Variants in MGA observed in about 807,000 individuals in gnomAD.
The protein encoded by MGA is MAX dimerization protein MGA.
Under a neutral mutation model 261.1 loss-of-function variants are expected in MGA, and 40 were observed. The ratio of observed to expected loss-of-function variants is 0.15; its 90% CI spans 0.12 to 0.20. MGA has a LOEUF of 0.20. Ranked by LOEUF, MGA falls within the 10% of genes least tolerant of loss-of-function variation. MGA has a pLI of 1.00. For missense variants in MGA, 3,397 were observed against 3,630.5 expected (o/e 0.94, Z 1.65); for synonymous variants, 1,302 against 1,290.6 (o/e 1.01, Z -0.19).
At chr15:41,625,096 C>T (rs577055257) in intron 1 of MGA, among the ~76,000 whole-genome samples, 35 of 152,156 alleles carry the variant, frequency 2.3e-4, no homozygotes, top group African/African-American at 7.5e-4. Flanking sequence ...TGAGCTGTGA[C>T]GTGTCACTGC....
At chr15:41,763,078 A>C (rs924065946) in intron 22 of MGA, among the ~76,000 whole-genome samples, 2 of 88,604 alleles carry the variant, frequency 2.3e-5, no homozygotes, top group Non-Finnish European at 4.9e-5. Context: ...ATCAGGCTCT[A>C]TTTTTCTTTC....
At chr15:41,628,298 G>A (rs374015567) in intron 1 of MGA, among the ~76,000 whole-genome samples, 8 of 150,904 alleles carry the variant, frequency 5.3e-5, no homozygotes, top group East Asian at 3.9e-4. Context: ...TCTTGAACCC[G>A]GGAGGTTGCG....
chr15:41,699,003 C>G, intron 4 of MGA, 61 bp from the exon 5 acceptor site: 2 of 1,549,068 alleles, frequency 1.3e-6, no homozygotes, highest in South Asian at 1.2e-5. Flanking sequence ...ATGAAACATG[C>G]AACATTCATT....
chr15:41,736,141 A>G (rs770054112), intron 12 of MGA, 40 bp from the exon 13 acceptor site: 20 of 1,423,096 alleles, frequency 1.4e-5, no homozygotes, highest in Non-Finnish European at 1.9e-5. Flanking sequence ...TGCAGAAATA[A>G]TCTTTCAACT....
chr15:41,758,313 A>G (rs2063260250), intron 19 of MGA, among the ~76,000 whole-genome samples: 1 of 152,154 alleles, frequency 6.6e-6, no homozygotes, highest in Non-Finnish European at 1.5e-5. Context: ...ATCCTAACCA[A>G]CAGTAGGCAT....
intron 1 of MGA, among the ~76,000 whole-genome samples, chr15:41,650,794 C>A (rs543702808): frequency 6.6e-6 from 1 of 152,194 alleles, no homozygotes; most frequent in East Asian, 1.9e-4. Flanking sequence ...GAGTAGGGAT[C>A]TAAATGTTCA....
intron 9 of MGA, among the ~76,000 whole-genome samples, chr15:41,715,174 G>A (rs2151524281): frequency 1.5e-5 from 2 of 134,322 alleles, no homozygotes; most frequent in African/African-American, 2.7e-5. Flanking sequence ...TTTTGAGACA[G>A]AGTCTCACTC....
intron 2 of MGA, among the ~76,000 whole-genome samples, chr15:41,681,356 G>A (rs929947910): frequency 9.3e-5 from 14 of 149,870 alleles, no homozygotes; most frequent in Non-Finnish European, 1.9e-4. Flanking sequence ...CAATATATGG[G>A]CCGTTTAGTT....
intron 5 of MGA, among the ~76,000 whole-genome samples, chr15:41,706,119 C>T (rs1440596718): frequency 6.6e-6 from 1 of 151,910 alleles, no homozygotes; most frequent in African/African-American, 2.4e-5. Context: ...CGCCTGTAAT[C>T]CCAGCTACTT....
intron 14 of MGA, among the ~76,000 whole-genome samples, chr15:41,741,759 T>G (rs1432584778): frequency 2.0e-5 from 3 of 152,148 alleles, no homozygotes; most frequent in Non-Finnish European, 2.9e-5. Flanking sequence ...TCTCCCAGGC[T>G]GGAGTGCAGT....
chr15:41,639,555 T>A (rs554713924), intron 1 of MGA, among the ~76,000 whole-genome samples: 3 of 151,510 alleles, frequency 2.0e-5, no homozygotes, highest in African/African-American at 7.2e-5. Context: ...TTATTATTTT[T>A]ATTTTTTTAG....
Position 41,766,547 on chromosome 15 carries a change from C to A in MGA, c.8465C>A (p.Thr2822Lys), listed in dbSNP as rs1230914460. The change falls in exon 24 of 24, where the codon ACA (threonine) becomes AAA (lysine). Residue 2822 changes from threonine (T) to lysine (K), a missense_variant. Thr to Lys is a moderately conservative substitution (Grantham distance 78). This residue lies in a region of MGA where 647 missense variants were observed against 642.4 expected (regional missense o/e 1.01). Transcript: ENST00000219905. ...GAAGATGAGGATGATACTGATGAGACACTGACTTCACTGCTCAATGAAATT... is the reference window on the plus strand; with the variant it reads ...GAAGATGAGGATGATACTGATGAGAAACTGACTTCACTGCTCAATGAAATT... 1.2e-6 allele frequency: 2 copies of A among 1,613,814 alleles called. No individual in the cohort carries two copies. Among genetic ancestry groups the A allele is most frequent in the East Asian group, 4.5e-5 (2 of 44,892 alleles).
chr15:41,752,837 G>A (rs2062923537), intron 17 of MGA, among the ~76,000 whole-genome samples: 1 of 152,146 alleles, frequency 6.6e-6, no homozygotes, highest in Non-Finnish European at 1.5e-5. Context: ...GGGATTACAG[G>A]CATGAGCAAC....
At chr15:41,682,834 T>A (rs1266040297) in intron 2 of MGA, among the ~76,000 whole-genome samples, 1 of 152,182 alleles carries the variant, frequency 6.6e-6, no homozygotes, top group East Asian at 1.9e-4. Flanking sequence ...TGGTTTGTGT[T>A]GTTTTTGTTG....
chr15:41,725,222 C>T (rs1217136682), intron 9 of MGA, among the ~76,000 whole-genome samples: 2 of 152,160 alleles, frequency 1.3e-5, no homozygotes, highest in African/African-American at 2.4e-5. Context: ...CCTGTAATCC[C>T]AGTGACTCAG....
chr15:41,643,079 AT>A (rs945263427), intron 1 of MGA, among the ~76,000 whole-genome samples: 18 of 140,376 alleles, frequency 1.3e-4, no homozygotes, highest in South Asian at 6.7e-4. Context: ...ATTATTTTTT[AT>A]TTTTTTTTTA....
At chr15:41,635,070 A>G (rs766705257) in intron 1 of MGA, among the ~76,000 whole-genome samples, 1 of 152,086 alleles carries the variant, frequency 6.6e-6, no homozygotes, top group Non-Finnish European at 1.5e-5. Flanking sequence ...GTGGTGGCTC[A>G]CGTGTGTAAT....
rs1918314 is a variant in MGA at position 41,734,566 on chromosome 15, C to T, written c.3888C>T (p.Asp1296=). 0.79 allele frequency: 1,273,667 copies of T among 1,602,496 alleles called. 509,557 individuals carry two copies. The highest frequency in any genetic ancestry group is 0.89 in the East Asian group (39,854 of 44,684). Residue 1296 remains aspartate (D), a synonymous_variant, in exon 12 of 24, where the codon GAC becomes GAT. Coordinates refer to ENST00000219905, the MANE Select transcript of MGA (RefSeq NM_001164273.2). ...AGCCCTTAAAACAACTCACCTGTGACTTGGAGGATGATTCTGATAAATTAC... is the reference window on the plus strand; with the variant it reads ...AGCCCTTAAAACAACTCACCTGTGATTTGGAGGATGATTCTGATAAATTAC...
chr15:41,718,279 T>G, intron 9 of MGA: 1 of 226,720 alleles, frequency 4.4e-6, no homozygotes, highest in Non-Finnish European at 8.3e-6. Flanking sequence ...ATATGTAGTG[T>G]ATATGTAGTG....
Sources: allele counts gnomAD v4.1 joint callset (sites outside exome capture counted in the v4.1 genomes callset), GRCh38; gene constraint gnomAD v4.1.1; regional missense constraint gnomAD v4.1.1; transcripts MANE v1.5; gene names NCBI Gene and HGNC (gene_info 2026-07-23, HGNC 2026-07-21).